The following ADGRA2 variants were observed in gnomAD, a reference collection of about 807,000 sequenced individuals.
ADGRA2 encodes the protein G-protein coupled receptor 124.
In ADGRA2, 61 loss-of-function variants were observed where a neutral mutation model predicts 98.7. The ratio of observed to expected loss-of-function variants is 0.62; its 90% CI spans 0.50 to 0.76. ADGRA2 has a LOEUF of 0.76. Among genes scored for constraint, ADGRA2 ranks in the 30% least tolerant of loss-of-function variants. The pLI is 0.00. For missense variants in ADGRA2, 1,712 were observed against 1,860.0 expected (o/e 0.92, Z 1.46); for synonymous variants, 858 against 831.5 (o/e 1.03, Z -0.55).
At position 37,830,195 on chromosome 8, in the gene ADGRA2, A is replaced by G. The variant is rs1225043923; in HGVS notation, c.718+181A>G. 6.6e-6 allele frequency among the ~76,000 whole-genome samples: 1 copy of G among 152,136 alleles called. No homozygotes were observed. Among genetic ancestry groups the G allele is most frequent in the Non-Finnish European group, 1.5e-5 (1 of 68,030 alleles). On this transcript the variant is annotated intron_variant, in intron 6 of 18. Transcript: ENST00000412232. This position sits in a 1 kb window ranked among gnomAD's most constrained non-coding sequence, Gnocchi z 4.8. ...GAGACCTTATCTTTATGTATAAATC[A>G]CCATCTGAGAAGTGCTGCCCAGCAC... is the stretch of plus-strand genomic sequence containing the variant.
Position 37,841,860 on chromosome 8 carries a change from C to T in ADGRA2, c.3522C>T (p.Asn1174=). The change falls in exon 19 of 19, where the codon AAC becomes AAT. Residue 1174 remains asparagine, a synonymous_variant. Transcript: ENST00000412232. This position sits in a 1 kb window ranked among gnomAD's most constrained non-coding sequence, Gnocchi z 5.0. ...TRGNLAHRHP[N]NVHHGRRAHK... is the part of the protein sequence containing the mutation. The stretch of plus-strand genomic sequence containing the variant: ...GAAACCTCGCCCACCGCCACCCCAA[C>T]AACGTGCACCACGGGCGTCGGGCGC... The T allele has an allele frequency of 6.5e-7, 1 of 1,534,608 alleles. No individual in the cohort carries two copies. Among genetic ancestry groups the T allele is most frequent in the Non-Finnish European group, 8.7e-7 (1 of 1,146,616 alleles).
chr8:37,834,215 A>G lies in ADGRA2; in HGVS notation c.1608+87A>G. On this transcript the variant is annotated intron_variant, in intron 11 of 18. Coordinates refer to ENST00000412232, the MANE Select transcript of ADGRA2 (RefSeq NM_032777.10). The surrounding 1 kb of genome is among the most constrained non-coding windows in gnomAD (Gnocchi z 4.2). ...GGCGTGCACCTGCCGTGCCCCAGCT[A>G]GCAAGAGCAGCAGACGTGACAAAGT... 2 of 1,218,264 alleles carry G rather than the reference A, an allele frequency of 1.6e-6. No individual in the cohort carries two copies. The highest frequency in any genetic ancestry group is 4.6e-5 in the Admixed American group (2 of 43,810). The allele number at this position is 1,218,264 out of a possible 1,614,324, so 75.5% of individuals were successfully genotyped here.
chr8:37,804,435 G>A (rs1804602063), intron 1 of ADGRA2, among the ~76,000 whole-genome samples: 1 of 152,210 alleles, frequency 6.6e-6, no homozygotes, highest in Non-Finnish European at 1.5e-5. Flanking sequence ...GGTGTTTTCT[G>A]ATGAAAATGC....
chr8:37,799,235 C>A (rs571379955), intron 1 of ADGRA2, among the ~76,000 whole-genome samples: 2 of 151,996 alleles, frequency 1.3e-5, no homozygotes, highest in African/African-American at 4.8e-5. Context: ...ATTAGCCAGG[C>A]GTGGTAGCGC....
rs764332140 is a variant in ADGRA2, at chr8:37,841,647, A to C, written c.3309A>C (p.Ala1103=). 6.6e-7 allele frequency: 1 copy of C among 1,526,682 alleles called. No individual in the cohort carries two copies. Among genetic ancestry groups the C allele is most frequent in the South Asian group, 1.3e-5 (1 of 79,984 alleles). The allele number at this position is 1,526,682 out of a possible 1,614,324, so 94.6% of individuals were successfully genotyped here. The change falls in exon 19 of 19, where the codon GCA becomes GCC. Residue 1103 remains alanine, a synonymous_variant. Transcript: ENST00000412232. The surrounding 1 kb of genome is among the most constrained non-coding windows in gnomAD (Gnocchi z 5.0). ...HAPPRALPAA[A]EDGSPVFGEG... ...CGCCCCGGGCCCTGCCCGCCGCCGC[A>C]GAGGACGGTTCCCCGGTGTTCGGGG...
intron 13 of ADGRA2, among the ~76,000 whole-genome samples, chr8:37,836,715 G>A (rs6982155): frequency 0.68 from 103,836 of 151,644 alleles, 36,078 homozygotes; most frequent in East Asian, 0.9. Context: ...CACTTTGCAC[G>A]TCAGAGAGCC....
chr8:37,803,579 C>T (rs1249463098), intron 1 of ADGRA2, among the ~76,000 whole-genome samples: 1 of 152,200 alleles, frequency 6.6e-6, no homozygotes, highest in African/African-American at 2.4e-5. Flanking sequence ...CTTCCTCCCT[C>T]CTCCAGGGGC....
Position 37,840,210 on chromosome 8 carries a change from G to T in ADGRA2, c.2601G>T (p.Arg867Ser). 1 of 1,612,862 alleles carries T rather than the reference G, an allele frequency of 6.2e-7. No individual in the cohort carries two copies. The highest frequency in any genetic ancestry group is 1.1e-5 in the South Asian group (1 of 91,086). The stretch of plus-strand genomic sequence containing the variant: ...TGCTCCATAAGGAGCTCACCTGGAG[G>T]GCACCCCCTCCGCAAGAAGGGGACC... ...ARVLHKELTW[R>S]APPPQEGDPA... Residue 867 changes from arginine to serine, a missense_variant, in exon 17 of 19, where the codon AGG becomes AGT. Transcript: ENST00000412232.
intron 2 of ADGRA2, among the ~76,000 whole-genome samples, chr8:37,820,854 T>A (rs1805106336): frequency 7.0e-6 from 1 of 143,160 alleles, no homozygotes; most frequent in Non-Finnish European, 1.5e-5. Context: ...ATGGGCAGGA[T>A]GGGCAAGGAA....
rs532653294 is a variant in ADGRA2, at chr8:37,835,318, G to A, written c.1753G>A (p.Glu585Lys). 10 of 1,613,612 alleles carry A rather than the reference G, an allele frequency of 6.2e-6. No individual in the cohort carries two copies. The highest frequency in any genetic ancestry group is 4.4e-5 in the South Asian group (4 of 91,070). ...SPGQNPPPEP[E>K]PPADQQLRFR... ...TGGCCAGAACCCCCCACCTGAGCCC[G>A]AGCCCCCAGCTGACCAGCAGCTCCG... Residue 585 changes from glutamate (E) to lysine (K), a missense_variant, in exon 12 of 19, where the codon GAG becomes AAG. Transcript: ENST00000412232.
In ADGRA2 at chr8:37,833,046, G is replaced by A. The variant is rs760102247; in HGVS notation, c.1134G>A (p.Gln378=). 5.0e-6 allele frequency: 8 copies of A among 1,613,480 alleles called. No individual in the cohort carries two copies. The East Asian group carries it at 1.8e-4, about 36-fold the overall frequency. ...CTCTGGCTGGCATCACAGCCTACCA[G>A]TCCTGCCTGCAGTATCCCTTCACCT... ...PRTLAGITAY[Q]SCLQYPFTSV... The change falls in exon 9 of 19, where the codon CAG becomes CAA. Residue 378 remains glutamine, a synonymous_variant. Coordinates refer to ENST00000412232, the MANE Select transcript of ADGRA2 (RefSeq NM_032777.10).
At chr8:37,828,492 T>G (rs920745554) in intron 2 of ADGRA2, among the ~76,000 whole-genome samples, 12 of 139,584 alleles carry the variant, frequency 8.6e-5, no homozygotes, top group Non-Finnish European at 1.6e-4. Context: ...TTTTTTTTTT[T>G]TTTTTTTTTT....
intron 2 of ADGRA2, among the ~76,000 whole-genome samples, chr8:37,818,755 G>A (rs997819769): frequency 1.3e-5 from 2 of 152,202 alleles, no homozygotes; most frequent in African/African-American, 2.4e-5. Flanking sequence ...ATAGGTGTGT[G>A]GTGTGTCTGG....
At chr8:37,823,819 T>C (rs1324144303) in intron 2 of ADGRA2, among the ~76,000 whole-genome samples, 2 of 152,244 alleles carry the variant, frequency 1.3e-5, no homozygotes, top group Non-Finnish European at 2.9e-5. Flanking sequence ...AGCATCTTTG[T>C]ATGGGCTTAT....
chr8:37,804,749 GA>G (rs1471816418), intron 1 of ADGRA2, among the ~76,000 whole-genome samples: 2 of 152,292 alleles, frequency 1.3e-5, no homozygotes, highest in East Asian at 3.9e-4. Context: ...CCAATCAGAG[GA>G]GCCATCCCTG....
At chr8:37,799,466 T>C (rs978455981) in intron 1 of ADGRA2, among the ~76,000 whole-genome samples, 1 of 151,972 alleles carries the variant, frequency 6.6e-6, no homozygotes, top group African/African-American at 2.4e-5. Flanking sequence ...GGGATGTGTG[T>C]TCTCTGCGTG....
rs780852342 is a variant in ADGRA2 at position 37,839,021 on chromosome 8, C to G, written c.2325C>G (p.Pro775=). 1.9e-6 allele frequency: 3 copies of G among 1,606,210 alleles called. No homozygotes were observed. The highest frequency in any genetic ancestry group is 1.7e-4 in the Middle Eastern group (1 of 6,008). Residue 775 remains proline, a synonymous_variant, in exon 15 of 19, where the codon CCC becomes CCG. Coordinates refer to ENST00000412232, the MANE Select transcript of ADGRA2 (RefSeq NM_032777.10). ...CAGGGCTGCACCCCGTGGTATACCC[C>G]TGCACGGCCTTGCTGCTGCTCTGCC... ...AGAGLHPVVY[P]CTALLLLCLF...
rs16887046 is a variant in ADGRA2 at position 37,814,614 on chromosome 8, G to C, written c.267-282G>C. Among the ~76,000 whole-genome samples the C allele has an allele frequency of 0.061, 9,357 of 152,286 alleles. 387 individuals are homozygous for C. The highest frequency in any genetic ancestry group is 0.11 in the African/African-American group (4,750 of 41,552). On this transcript the variant is annotated intron_variant, in intron 1 of 18. Transcript: ENST00000412232. This position sits in a 1 kb window ranked among gnomAD's most constrained non-coding sequence, Gnocchi z 4.3. ...CCAGAGTGGAAACGGGGCATCACAG[G>C]GTCACCCCCACCTGCTCAGCCCACC...
chr8:37,829,506 C>A lies in ADGRA2; in HGVS notation c.501C>A (p.Ile167=). ...CCTGCAGAAACATATCTGGAAACATCTTCTCCAGTCTGCAACCTGGGGTCT... is the reference window on the plus strand; with the variant it reads ...CCTGCAGAAACATATCTGGAAACATATTCTCCAGTCTGCAACCTGGGGTCT... ...RLLRLNISGN[I]FSSLQPGVFD... is the part of the protein sequence containing the mutation. Residue 167 remains isoleucine (I), a synonymous_variant, in exon 5 of 19, where the codon ATC becomes ATA. Transcript: ENST00000412232. 1 of 1,613,266 alleles carries A rather than the reference C, an allele frequency of 6.2e-7. No homozygotes were observed. Among genetic ancestry groups the A allele is most frequent in the Non-Finnish European group, 8.5e-7 (1 of 1,179,210 alleles).
Sources: allele counts gnomAD v4.1 joint callset (sites outside exome capture counted in the v4.1 genomes callset), GRCh38; gene constraint gnomAD v4.1.1; non-coding constraint Gnocchi (gnomAD v3.1); transcripts MANE v1.5; gene names NCBI Gene and HGNC (gene_info 2026-07-23, HGNC 2026-07-21).